Variants in TRPA1 observed in about 807,000 individuals in gnomAD.
The protein encoded by TRPA1 is transient receptor potential cation channel subfamily A member 1.
In TRPA1, 129 loss-of-function variants were observed where a neutral mutation model predicts 131.3. The observed-to-expected ratio is 0.98, with a 90% confidence interval of 0.85 to 1.14. The LOEUF is 1.14. Ranked by LOEUF, TRPA1 falls within the 50% of genes most tolerant of loss-of-function variation. The probability of loss-of-function intolerance (pLI) is 0.00; values close to 1 mark genes in which losing one functional copy is unlikely to be tolerated. For missense variants in TRPA1, 1,304 were observed against 1,354.2 expected (o/e 0.96, Z 0.58); for synonymous variants, 441 against 451.7 (o/e 0.98, Z 0.30).
intron 5 of TRPA1, 152 bp downstream of exon 5, chr8:72,063,311 C>T (rs1337165598): frequency 1.6e-5 from 10 of 610,690 alleles, no homozygotes; most frequent in Non-Finnish European, 2.8e-5. Context: ...ACCTGGAAGG[C>T]TGAAGTTGCA....
rs375914611 is a variant in TRPA1, at chr8:72,030,007, T to C, written c.2869-38A>G. 3.3e-5 allele frequency: 52 copies of C among 1,576,896 alleles called. No individual in the cohort carries two copies. In the African/African-American group the frequency reaches 6.3e-4, roughly 19 times the overall value. On this transcript the variant is annotated intron_variant, in intron 23 of 26. Coordinates refer to ENST00000262209, the MANE Select transcript of TRPA1 (RefSeq NM_007332.3). ...ACAAAATTAAATCACTACAGTTGAA[T>C]GGTCCACCTAAAAATGCATGTAAGG... is the stretch of plus-strand genomic sequence containing the variant.
At chr8:72,069,358 T>G (rs1362502716) in intron 2 of TRPA1, among the ~76,000 whole-genome samples, 160 bp from the exon 3 acceptor site, 1 of 152,232 alleles carries the variant, frequency 6.6e-6, no homozygotes, top group Non-Finnish European at 1.5e-5. Context: ...ACGAAACATT[T>G]AATGGGAACC....
intron 21 of TRPA1, 61 bp downstream of exon 21, chr8:72,036,226 TA>T: frequency 6.5e-7 from 1 of 1,548,614 alleles, no homozygotes; most frequent in Non-Finnish European, 8.9e-7. Flanking sequence ...CCAGGTACAA[TA>T]GTTTTTCTTT....
chr8:72,068,965 C>T, intron 3 of TRPA1, 58 bp downstream of exon 3: 3 of 1,587,322 alleles, frequency 1.9e-6, no homozygotes, highest in South Asian at 1.1e-5. Flanking sequence ...AGAGCTGGAT[C>T]TGGGTCCCAG....
chr8:72,050,784 G>A lies in TRPA1; in HGVS notation c.1899C>T (p.Cys633=), dbSNP rs1212463924. 3 of 1,605,860 alleles carry A rather than the reference G, an allele frequency of 1.9e-6. No individual in the cohort carries two copies. Among genetic ancestry groups the A allele is most frequent in the Non-Finnish European group, 2.6e-6 (3 of 1,173,692 alleles). ...TTTGTTTTAGAGAATTTACCTTCAT[G>A]CATTCAGGGAGGTATTCTATCATTT... ...ITEMIEYLPE[C]MKVLLDFCML... Residue 633 remains cysteine, a synonymous_variant, in exon 15 of 27, where the codon TGC becomes TGT. Coordinates refer to ENST00000262209, the MANE Select transcript of TRPA1 (RefSeq NM_007332.3).
At chr8:72,061,561 C>T in intron 7 of TRPA1, 64 bp downstream of exon 7, 2 of 1,597,068 alleles carry the variant, frequency 1.3e-6, no homozygotes, top group East Asian at 4.5e-5. Context: ...CTGCTCCTTG[C>T]AATGTCTAAT....
chr8:72,083,828 G>A, the TRPA1 span, among the ~76,000 whole-genome samples: 67,492 of 151,988 alleles, frequency 0.44, 15,276 homozygotes, highest in African/African-American at 0.46. Context: ...TTCCCATGTG[G>A]TTTGTAGCTA....
At chr8:72,053,470 C>A in intron 13 of TRPA1, 1 of 453,708 alleles carries the variant, frequency 2.2e-6, no homozygotes, top group South Asian at 2.1e-5. Context: ...TTTCTCTGGA[C>A]CTACCAGGGA....
intron 19 of TRPA1, 165 bp downstream of exon 19, chr8:72,038,700 C>T: frequency 3.2e-6 from 2 of 624,570 alleles, no homozygotes; most frequent in Non-Finnish European, 2.7e-6. Flanking sequence ...TATATTCCCT[C>T]TCCTTCCACA....
At chr8:72,063,417 A>T in intron 5 of TRPA1, 46 bp downstream of exon 5, 1 of 1,383,988 alleles carries the variant, frequency 7.2e-7, no homozygotes, top group South Asian at 1.2e-5. Context: ...GCATCCACCA[A>T]AATAGACTTA....
At position 72,047,031 on chromosome 8, in the gene TRPA1, C is replaced by A. The variant is rs368615114; in HGVS notation, c.1965+117G>T. 74 of 786,640 alleles carry A rather than the reference C, an allele frequency of 9.4e-5. No individual in the cohort carries two copies. The East Asian group carries it at 1.7e-3, about 18-fold the overall frequency. The allele number at this position is 786,640 out of a possible 1,614,324, so 48.7% of individuals were successfully genotyped here. ...ACAAGTAGATAATACAATAATATGA[C>A]AAATTAGATCAATACCATCTGCAGT... On this transcript the variant is annotated intron_variant, in intron 16 of 26. Transcript: ENST00000262209.
intron 21 of TRPA1, among the ~76,000 whole-genome samples, chr8:72,035,433 CA>C: frequency 6.6e-6 from 1 of 152,182 alleles, no homozygotes; most frequent in Non-Finnish European, 1.5e-5. Context: ...GTGAAAAAAA[CA>C]TGCTTCCTGG....
At chr8:72,043,947 A>T (rs1277043454) in intron 17 of TRPA1, among the ~76,000 whole-genome samples, 2 of 151,788 alleles carry the variant, frequency 1.3e-5, no homozygotes, top group Non-Finnish European at 2.9e-5. Flanking sequence ...AGGAACCTTC[A>T]TTTTAACAAG....
intron 18 of TRPA1, among the ~76,000 whole-genome samples, chr8:72,039,502 A>AT (rs918948888): frequency 2.6e-5 from 4 of 151,738 alleles, no homozygotes; most frequent in African/African-American, 9.7e-5. Context: ...CAATGCCAGC[A>AT]TTTTTTTTAA....
chr8:72,072,866 G>A (rs1806096525), intron 1 of TRPA1, among the ~76,000 whole-genome samples: 2 of 152,134 alleles, frequency 1.3e-5, no homozygotes, highest in South Asian at 2.1e-4. Context: ...ATGCTCACAA[G>A]GCACTATTGA....
intron 10 of TRPA1, 149 bp from the exon 11 acceptor site, chr8:72,056,004 G>T: frequency 1.4e-6 from 1 of 708,816 alleles, no homozygotes; most frequent in Non-Finnish European, 2.5e-6. Flanking sequence ...GGATTTGAGA[G>T]TAATATAAAT....
intron 2 of TRPA1, 144 bp from the exon 3 acceptor site, chr8:72,069,342 G>A: frequency 1.2e-6 from 1 of 804,056 alleles, no homozygotes; most frequent in Non-Finnish European, 2.1e-6. Flanking sequence ...CACAGCTTCA[G>A]TTCTAACGAA....
intron 13 of TRPA1, 28 bp from the exon 14 acceptor site, chr8:72,052,793 C>T (rs1384092334): frequency 1.9e-6 from 3 of 1,611,252 alleles, no homozygotes; most frequent in Non-Finnish European, 1.7e-6. Context: ...ACACAGAAAA[C>T]GTGGTGACAG....
chr8:72,053,731 G>A (rs762259887), intron 13 of TRPA1, 22 bp downstream of exon 13: 1 of 1,565,058 alleles, frequency 6.4e-7, no homozygotes, highest in South Asian at 1.1e-5. Flanking sequence ...TTTTGGGTAA[G>A]CATGAGGACC....
Sources: allele counts gnomAD v4.1 joint callset (sites outside exome capture counted in the v4.1 genomes callset), GRCh38; gene constraint gnomAD v4.1.1; transcripts MANE v1.5; gene names NCBI Gene and HGNC (gene_info 2026-07-23, HGNC 2026-07-21).